The following SDK2 variants were observed in gnomAD, a reference collection of about 807,000 sequenced individuals.
SDK2 encodes the protein sidekick cell adhesion molecule 2.
SDK2 carries 105 observed loss-of-function variants against 253.9 expected under a neutral mutation model. The observed-to-expected ratio is 0.41, with a 90% confidence interval of 0.35 to 0.49. The LOEUF is 0.49. Ranked by LOEUF, SDK2 falls within the 20% of genes least tolerant of loss-of-function variation. SDK2 has a pLI of 0.06. For synonymous variants in SDK2, 1,249 were observed against 1,234.9 expected (o/e 1.01, Z -0.24); for missense variants, 2,608 against 3,003.0 (o/e 0.87, Z 3.07).
chr17:73,455,529 C>T lies in SDK2; in HGVS notation c.479+377G>A, dbSNP rs867355455. ...CAGGGCCTCCCGGCTGCCCAGGAGACGCCAGCCTCTCCAAGGTCCCCCAGC... is the reference window on the plus strand; with the variant it reads ...CAGGGCCTCCCGGCTGCCCAGGAGATGCCAGCCTCTCCAAGGTCCCCCAGC... On this transcript the variant is annotated intron_variant, in intron 4 of 44. Coordinates refer to ENST00000392650, the MANE Select transcript of SDK2 (RefSeq NM_001144952.2). This position sits in a 1 kb window ranked among gnomAD's most constrained non-coding sequence, Gnocchi z 5.0. 2.0e-5 allele frequency among the ~76,000 whole-genome samples: 3 copies of T among 152,200 alleles called. No homozygotes were observed. Among genetic ancestry groups the T allele is most frequent in the African/African-American group, 4.8e-5 (2 of 41,454 alleles).
intron 1 of SDK2, among the ~76,000 whole-genome samples, chr17:73,568,352 T>C (rs1442281161): frequency 2.6e-5 from 4 of 152,198 alleles, no homozygotes; most frequent in Non-Finnish European, 5.9e-5. Flanking sequence ...GCTAGTGCCA[T>C]GCTTCCTGTA....
intron 40 of SDK2, among the ~76,000 whole-genome samples, chr17:73,355,801 C>G (rs2062587838): frequency 6.6e-6 from 1 of 152,218 alleles, no homozygotes; most frequent in Non-Finnish European, 1.5e-5. Flanking sequence ...ATAAATGGAA[C>G]CTTTCCTCCC....
intron 1 of SDK2, among the ~76,000 whole-genome samples, chr17:73,507,832 C>T (rs1417669055): frequency 6.6e-6 from 1 of 152,196 alleles, no homozygotes; most frequent in African/African-American, 2.4e-5. Flanking sequence ...CCCCAGACCA[C>T]GCTGGGCTAT....
chr17:73,431,422 C>T lies in SDK2; in HGVS notation c.1480+80G>A, dbSNP rs2063324631. 1.4e-6 allele frequency: 2 copies of T among 1,379,952 alleles called. No individual in the cohort carries two copies. The highest frequency in any genetic ancestry group is 1.5e-5 in the African/African-American group (1 of 68,388). 85.5% of individuals were successfully genotyped at this position (1,379,952 alleles called of 1,614,324 possible). A position where few individuals can be genotyped will look rare whatever the true frequency, so the allele number is the denominator to read the frequency against. On this transcript the variant is annotated intron_variant, in intron 11 of 44. Transcript: ENST00000392650. The surrounding 1 kb of genome is among the most constrained non-coding windows in gnomAD (Gnocchi z 5.6). The stretch of plus-strand genomic sequence containing the variant: ...GGTGGTATGAGCCTGTGCCCCGTAG[C>T]TGTCCTGAGTCCTCAGCACCTACAG...
At chr17:73,369,300 T>A in intron 36 of SDK2, 2 of 334,724 alleles carry the variant, frequency 6.0e-6, no homozygotes, top group Non-Finnish European at 1.3e-5. Flanking sequence ...TGGCCTCATG[T>A]CACCTGGGAG....
intron 2 of SDK2, among the ~76,000 whole-genome samples, chr17:73,497,632 C>G (rs2063853406): frequency 3.9e-5 from 6 of 151,930 alleles, no homozygotes; most frequent in Admixed American, 3.9e-4. Flanking sequence ...GTTATCCCTC[C>G]TCAATGCATC....
intron 1 of SDK2, among the ~76,000 whole-genome samples, chr17:73,640,022 C>T (rs887244167): frequency 4.6e-5 from 7 of 152,184 alleles, no homozygotes; most frequent in African/African-American, 1.7e-4. Flanking sequence ...AGCCCGACTG[C>T]GTCCTGTGGT....
At position 73,393,642 on chromosome 17, in the gene SDK2, A is replaced by G. The variant is rs749453108; in HGVS notation, c.3816T>C (p.Tyr1272=). 1.9e-6 allele frequency: 3 copies of G among 1,600,430 alleles called. No individual in the cohort carries two copies. Among genetic ancestry groups the G allele is most frequent in the Admixed American group, 1.7e-5 (1 of 59,652 alleles). ...GTGTGAAGGCCAGCACCTGGACTTCATAGAGCACGTATTTGCCCAAGCCGG... is the reference window on the plus strand; with the variant it reads ...GTGTGAAGGCCAGCACCTGGACTTCGTAGAGCACGTATTTGCCCAAGCCGG... ...QLTGLGKYVL[Y]EVQVLAFTRI... The change falls in exon 27 of 45, where the codon TAT becomes TAC. Residue 1272 remains tyrosine, a synonymous_variant. Transcript: ENST00000392650.
intron 1 of SDK2, among the ~76,000 whole-genome samples, chr17:73,562,105 G>A (rs545250044): frequency 1.1e-4 from 17 of 152,176 alleles, no homozygotes; most frequent in East Asian, 1.9e-4. Flanking sequence ...CAACCTGGGC[G>A]ACAGAGCGAA....
chr17:73,353,700 ATTTTTTTTT>A (rs11370066), intron 40 of SDK2, among the ~76,000 whole-genome samples: 24 of 97,222 alleles, frequency 2.5e-4, no homozygotes, highest in Non-Finnish European at 4.4e-4. Context: ...TGCCTGGCCA[ATTTTTTTTT>A]TTTTTTTTTT....
intron 1 of SDK2, among the ~76,000 whole-genome samples, chr17:73,540,170 C>G (rs1261915347): frequency 1.3e-5 from 2 of 152,178 alleles, no homozygotes; most frequent in African/African-American, 2.4e-5. Context: ...TGGGCTGTCC[C>G]CACTGGAAGC....
At chr17:73,504,193 C>A (rs7207010) in intron 2 of SDK2, 1 of 93,358 alleles carries the variant, frequency 1.1e-5, no homozygotes, top group Non-Finnish European at 2.2e-5. Flanking sequence ...GCAGTGCGTG[C>A]GTGTGTGTGT....
chr17:73,606,696 G>T (rs910303241), intron 1 of SDK2, among the ~76,000 whole-genome samples: 1 of 152,092 alleles, frequency 6.6e-6, no homozygotes, highest in African/African-American at 2.4e-5. Flanking sequence ...AGTCACGATC[G>T]ACTCTATCCA....
Position 73,384,676 on chromosome 17 carries a change from T to C in SDK2, c.4570-665A>G, listed in dbSNP as rs998363809. On this transcript the variant is annotated intron_variant, in intron 32 of 44. Coordinates refer to ENST00000392650, the MANE Select transcript of SDK2 (RefSeq NM_001144952.2). ...CTCTACTAAAAATATAAAAATTAGC[T>C]GGGTGTGGTGGCATGTGCCTGTAGT... 3.9e-5 allele frequency among the ~76,000 whole-genome samples: 6 copies of C among 152,124 alleles called. No individual in the cohort carries two copies. In the South Asian group the frequency reaches 1.0e-3, roughly 26 times the overall value.
chr17:73,478,455 C>A (rs2063700847), intron 2 of SDK2, among the ~76,000 whole-genome samples: 1 of 152,162 alleles, frequency 6.6e-6, no homozygotes, highest in Non-Finnish European at 1.5e-5. Context: ...AAGGAAGATA[C>A]GCCAAGAATC....
At chr17:73,638,810 T>A (rs2046362969) in intron 1 of SDK2, among the ~76,000 whole-genome samples, 2 of 150,724 alleles carry the variant, frequency 1.3e-5, no homozygotes. Context: ...AACAGTCTTT[T>A]TTTTTTTTTT....
rs1286678537 is a variant in SDK2, at chr17:73,369,890, C to T, written c.4981-1297G>A. Among the ~76,000 whole-genome samples, 5 of 152,238 alleles carry T rather than the reference C, an allele frequency of 3.3e-5. No individual in the cohort carries two copies. In the East Asian group the frequency reaches 7.7e-4, roughly 24 times the overall value. ...AGATCTCCTGACCTTGTGATCCGCC[C>T]GCCTCGGCCTCCCAAAGTGCTGGGG... On this transcript the variant is annotated intron_variant, in intron 36 of 44. Coordinates refer to ENST00000392650, the MANE Select transcript of SDK2 (RefSeq NM_001144952.2).
chr17:73,532,506 G>A (rs1056545310), intron 1 of SDK2, among the ~76,000 whole-genome samples: 22 of 152,314 alleles, frequency 1.4e-4, no homozygotes, highest in Non-Finnish European at 2.9e-4. Flanking sequence ...AGGCTAAGGA[G>A]AGTACTGTCC....
At position 73,368,496 on chromosome 17, in the gene SDK2, T is replaced by G; in HGVS notation, c.5078A>C (p.Tyr1693Ser). Reference protein sequence around the residue: ...NSVKLKNLTGYTAYMVSVAAF... With the variant: ...NSVKLKNLTGSTAYMVSVAAF... ...GGCCACGCTGACCATGTAGGCCGTG[T>G]AGCCAGTCAAGTTCTTGAGCTTCAC... Residue 1693 changes from tyrosine to serine, a missense_variant, in exon 37 of 45, where the codon TAC (tyrosine) becomes TCC (serine). Physicochemically the swap from Tyr to Ser is moderately radical, Grantham distance 144. Around this residue, in one of 2 missense-constraint regions of SDK2, gnomAD observed 1,103 missense variants for 1,143.9 expected, o/e 0.96. Transcript: ENST00000392650. 6.2e-7 allele frequency: 1 copy of G among 1,611,016 alleles called. No individual in the cohort carries two copies. The highest frequency in any genetic ancestry group is 1.7e-5 in the Admixed American group (1 of 59,744).
Sources: allele counts gnomAD v4.1 joint callset (sites outside exome capture counted in the v4.1 genomes callset), GRCh38; gene constraint gnomAD v4.1.1; regional missense constraint gnomAD v4.1.1; non-coding constraint Gnocchi (gnomAD v3.1); transcripts MANE v1.5; gene names NCBI Gene and HGNC (gene_info 2026-07-23, HGNC 2026-07-21).